The following HCLS1 variants were observed in gnomAD, a reference collection of about 807,000 sequenced individuals.
The protein encoded by HCLS1 is hematopoietic lineage cell-specific protein.
Under a neutral mutation model 68.6 loss-of-function variants are expected in HCLS1, and 44 were observed. The observed-to-expected ratio is 0.64, with a 90% CI of 0.50 to 0.82. The LOEUF is 0.82. HCLS1 is among the 40% of genes least tolerant of loss of function. The pLI is 0.00. For missense variants in HCLS1, 602 were observed against 612.1 expected, an observed-to-expected ratio of 0.98 and a Z score of 0.17; for synonymous variants, 217 against 225.8, an observed-to-expected ratio of 0.96 and a Z score of 0.35.
intron 10 of HCLS1, among the ~76,000 whole-genome samples, chr3:121,633,994 T>A (rs2049125374): frequency 6.6e-6 from 1 of 152,226 alleles, no homozygotes. Flanking sequence ...TGACTTGCTT[T>A]CTGTTGTACT....
intron 6 of HCLS1, among the ~76,000 whole-genome samples, chr3:121,638,692 G>A (rs1241529115): frequency 6.6e-6 from 1 of 152,084 alleles, no homozygotes; most frequent in Non-Finnish European, 1.5e-5. Flanking sequence ...ACTGATCCAG[G>A]AAAATATACA....
At chr3:121,657,444 T>G in intron 2 of HCLS1, 92 bp from the exon 3 acceptor site, 1 of 1,054,698 alleles carries the variant, frequency 9.5e-7, no homozygotes, top group South Asian at 1.3e-5. Context: ...CCATGTCCCC[T>G]GTGTCCACTG....
chr3:121,641,253 G>A (rs562210349), intron 6 of HCLS1, among the ~76,000 whole-genome samples: 20 of 152,224 alleles, frequency 1.3e-4, no homozygotes, highest in African/African-American at 4.8e-4. Context: ...AGGAATGATA[G>A]TCTGACACAA....
chr3:121,658,884 TC>T (rs1937930812), intron 1 of HCLS1, among the ~76,000 whole-genome samples: 1 of 152,182 alleles, frequency 6.6e-6, no homozygotes, highest in Admixed American at 6.5e-5. Context: ...CCAAGTGCTG[TC>T]CCACCTCCAC....
Position 121,647,350 on chromosome 3 carries a change from C to T in HCLS1, c.257G>A (p.Arg86Gln), listed in dbSNP as rs1243226096. The T allele has an allele frequency of 1.4e-5, 23 of 1,613,868 alleles. No individual in the cohort carries two copies. Among genetic ancestry groups the T allele is most frequent in the Middle Eastern group, 1.6e-4 (1 of 6,084 alleles). ...GPKASHGYGG[R>Q]FGVERDRMDK... ...CATTCGGTCTCTTTCTACTCCAAAC[C>T]GACCTCCATAGCCATGGGATGCTTT... Residue 86 changes from arginine to glutamine, a missense_variant, in exon 4 of 14, where the codon CGG (arginine) becomes CAG (glutamine). By Grantham distance (43) the Arg-to-Gln change is conservative. Transcript: ENST00000314583.
intron 9 of HCLS1, among the ~76,000 whole-genome samples, chr3:121,634,991 A>G (rs2049135242): frequency 6.6e-6 from 1 of 152,004 alleles, no homozygotes; most frequent in African/African-American, 2.4e-5. Context: ...TCCCCTGTCC[A>G]TATTCCATAA....
intron 4 of HCLS1, among the ~76,000 whole-genome samples, chr3:121,646,404 T>TG: frequency 1.1e-5 from 1 of 87,726 alleles, no homozygotes; most frequent in African/African-American, 4.5e-5. Context: ...ATGTAATATA[T>TG]TACATAGTAA....
intron 3 of HCLS1, chr3:121,654,225 T>C (rs989641125): frequency 6.6e-6 from 1 of 152,268 alleles, no homozygotes; most frequent in Non-Finnish European, 1.5e-5. Context: ...CCAGAACTAC[T>C]GGACTCAAGT....
intron 5 of HCLS1, 91 bp downstream of exon 5, chr3:121,644,727 A>G: frequency 1.1e-6 from 1 of 906,148 alleles, no homozygotes; most frequent in Non-Finnish European, 1.9e-6. Context: ...CTGTCTTTCA[A>G]CAAAGAAGCA....
Position 121,657,350 on chromosome 3 carries a change from A to G in HCLS1, c.87T>C (p.Asn29=). 6.2e-7 allele frequency: 1 copy of G among 1,613,998 alleles called. No individual in the cohort carries two copies. The highest frequency in any genetic ancestry group is 8.5e-7 in the Non-Finnish European group (1 of 1,179,920). Residue 29 remains asparagine (N), a splice_region_variant and synonymous_variant, in exon 3 of 14, where the codon AAT becomes AAC. Coordinates refer to ENST00000314583, the MANE Select transcript of HCLS1 (RefSeq NM_005335.6). Reference sequence around the variant, plus strand: ...ATCGTTGCTCCTTTTCAGAGATGTCATTCTGCAAACGACAGCACGCAGTAA... The same window carrying G: ...ATCGTTGCTCCTTTTCAGAGATGTCGTTCTGCAAACGACAGCACGCAGTAA... ...DDWDTDPDFV[N]DISEKEQRWG... is the part of the protein sequence containing the mutation.
chr3:121,639,769 T>C (rs1342713164), intron 6 of HCLS1, among the ~76,000 whole-genome samples: 3 of 152,120 alleles, frequency 2.0e-5, no homozygotes, highest in Non-Finnish European at 2.9e-5. Context: ...CAAATGAAGG[T>C]AGTGTTCAGA....
chr3:121,658,110 G>A, intron 2 of HCLS1, 154 bp downstream of exon 2: 5 of 649,112 alleles, frequency 7.7e-6, no homozygotes. Flanking sequence ...CCCCACAGGT[G>A]ACAGCCAATT....
chr3:121,631,573 G>A lies in HCLS1; in HGVS notation c.*273C>T. 2 of 411,212 alleles carry A rather than the reference G, an allele frequency of 4.9e-6. No individual in the cohort carries two copies. 25.5% of individuals were successfully genotyped at this position (411,212 alleles called of 1,614,324 possible). A position where few individuals can be genotyped will look rare whatever the true frequency, so the allele number is the denominator to read the frequency against. ...GAAGCCCAGAGCTCACAGAGGAGGA[G>A]AGCAGAGCTTGGGGTGGCAGAGAGG... On this transcript the variant is annotated 3_prime_UTR_variant, in exon 14 of 14. Coordinates refer to ENST00000314583, the MANE Select transcript of HCLS1 (RefSeq NM_005335.6).
intron 12 of HCLS1, 47 bp downstream of exon 12, chr3:121,632,285 T>G: frequency 6.2e-7 from 1 of 1,605,058 alleles, no homozygotes; most frequent in Non-Finnish European, 8.5e-7. Context: ...CCTCTTACCC[T>G]CCCCTGGACA....
Position 121,632,428 on chromosome 3 carries a change from C to T in HCLS1, c.1144G>A (p.Glu382Lys), listed in dbSNP as rs777223626. 1.1e-5 allele frequency: 17 copies of T among 1,611,062 alleles called. No individual in the cohort carries two copies. The highest frequency in any genetic ancestry group is 1.4e-5 in the Non-Finnish European group (17 of 1,179,666). Reference protein sequence around the residue: ...PEPENDYEDVEEMDRHEQEDE... With the variant: ...PEPENDYEDVKEMDRHEQEDE... ...TCCTGCTCATGCCTGTCCATCTCCT[C>T]AACGTCCTCATAGTCATTCTCAGGC... The change falls in exon 12 of 14, where the codon GAG becomes AAG. Residue 382 changes from glutamate to lysine, a missense_variant. Glu to Lys is a moderately conservative substitution (Grantham distance 56). Transcript: ENST00000314583.
intron 6 of HCLS1, among the ~76,000 whole-genome samples, chr3:121,641,724 TC>T (rs1183246048): frequency 6.6e-6 from 1 of 152,164 alleles, no homozygotes; most frequent in Non-Finnish European, 1.5e-5. Context: ...GGAATAACCT[TC>T]TAAAATAAAG....
At position 121,631,920 on chromosome 3, in the gene HCLS1, C is replaced by T. The variant is rs559028635; in HGVS notation, c.1387G>A (p.Glu463Lys). The T allele has an allele frequency of 4.6e-5, 75 of 1,614,054 alleles. No individual in the cohort carries two copies. Among genetic ancestry groups the T allele is most frequent in the Non-Finnish European group, 5.9e-5 (70 of 1,180,018 alleles). Residue 463 changes from glutamate (E) to lysine (K), a missense_variant, in exon 14 of 14, where the codon GAG (glutamate) becomes AAG (lysine). Physicochemically the swap from Glu to Lys is moderately conservative, Grantham distance 56. Coordinates refer to ENST00000314583, the MANE Select transcript of HCLS1 (RefSeq NM_005335.6). The stretch of plus-strand genomic sequence containing the variant: ...TGGCAACGTCCCCGCCACCAGCCCT[C>T]GTCCACCATCTCAATGTCAGTGATT... The part of the protein sequence containing the change: ...DVITDIEMVD[E>K]GWWRGRCHGH...
intron 5 of HCLS1, chr3:121,643,404 G>A (rs922820867): frequency 1.8e-5 from 3 of 166,922 alleles, no homozygotes; most frequent in Admixed American, 5.6e-5. Flanking sequence ...CTAACTTAGC[G>A]CTTTTCTTCC....
At chr3:121,643,103 G>T (rs2049216539) in intron 5 of HCLS1, 122 bp from the exon 6 acceptor site, 3 of 740,854 alleles carry the variant, frequency 4.0e-6, no homozygotes, top group Non-Finnish European at 4.8e-6. Context: ...CTGAGTATAG[G>T]TGTTTAATGT....
Sources: gnomAD v4.1 joint callset for allele counts (sites outside exome capture counted in the v4.1 genomes callset) on GRCh38, gnomAD v4.1.1 for gene constraint, MANE v1.5 for transcripts, NCBI Gene and HGNC (gene_info 2026-07-23, HGNC 2026-07-21) for gene names.